Variants in GSAP observed in about 807,000 individuals in gnomAD.
The protein encoded by GSAP is gamma-secretase-activating protein.
In GSAP, 118 loss-of-function variants were observed where a neutral mutation model predicts 131.7. That is an observed-to-expected ratio of 0.90 (90% confidence interval 0.77 to 1.04). The LOEUF is 1.04. GSAP is among the 50% of genes least tolerant of loss of function. The pLI, the probability that GSAP is intolerant of heterozygous loss-of-function variation, is 0.00. For synonymous variants in GSAP, 381 were observed against 363.4 expected, an observed-to-expected ratio of 1.05 and a Z score of -0.55; for missense variants, 1,019 against 1,013.2, an observed-to-expected ratio of 1.01 and a Z score of -0.08.
chr7:77,376,582 T>C (rs1370465057), intron 10 of GSAP, among the ~76,000 whole-genome samples: 1 of 152,092 alleles, frequency 6.6e-6, no homozygotes, highest in African/African-American at 2.4e-5. Context: ...AAGACCATCC[T>C]GGCTAATACA....
chr7:77,312,962 T>C (rs1319662661), intron 28 of GSAP, among the ~76,000 whole-genome samples: 1 of 152,188 alleles, frequency 6.6e-6, no homozygotes, highest in African/African-American at 2.4e-5. Flanking sequence ...CTCATTCTTC[T>C]TTTGACCTAG....
intron 5 of GSAP, among the ~76,000 whole-genome samples, chr7:77,391,142 A>AAAG (rs1554427185): frequency 4.4e-4 from 62 of 139,494 alleles, no homozygotes; most frequent in Admixed American, 1.6e-3. Context: ...AAAAAAAAAA[A>AAAG]AAAAAGAAAA....
At chr7:77,342,220 T>C (rs1791061313) in intron 19 of GSAP, among the ~76,000 whole-genome samples, 1 of 152,104 alleles carries the variant, frequency 6.6e-6, no homozygotes. Flanking sequence ...ACAGATGCTT[T>C]TGGCAACTCT....
intron 18 of GSAP, among the ~76,000 whole-genome samples, chr7:77,352,111 TAATC>T (rs1479777814): frequency 6.6e-6 from 1 of 152,196 alleles, no homozygotes; most frequent in African/African-American, 2.4e-5. Flanking sequence ...ATTTAGAAAT[TAATC>T]AAACACACTT....
intron 8 of GSAP, 151 bp from the exon 9 acceptor site, chr7:77,377,541 T>A: frequency 1.1e-6 from 1 of 913,884 alleles, no homozygotes; most frequent in Middle Eastern, 3.9e-4. Flanking sequence ...ACCCCTAGTA[T>A]ACACAGTCTT....
chr7:77,333,541 C>T (rs1251013640), intron 19 of GSAP, among the ~76,000 whole-genome samples: 2 of 152,120 alleles, frequency 1.3e-5, no homozygotes, highest in African/African-American at 2.4e-5. Context: ...TAATGTTCAG[C>T]CAGGACTGAC....
At chr7:77,373,343 A>G (rs1320679839) in intron 12 of GSAP, among the ~76,000 whole-genome samples, 1 of 152,226 alleles carries the variant, frequency 6.6e-6, no homozygotes, top group Admixed American at 6.5e-5. Flanking sequence ...TGTTGGCCTA[A>G]TGGGTGAATA....
At chr7:77,325,660 TC>T (rs1562904587) in intron 23 of GSAP, among the ~76,000 whole-genome samples, 1 of 152,214 alleles carries the variant, frequency 6.6e-6, no homozygotes, top group Non-Finnish European at 1.5e-5. Context: ...AACCTCCACT[TC>T]CTGGGTTCAA....
At chr7:77,324,952 A>G (rs1455269957) in intron 23 of GSAP, among the ~76,000 whole-genome samples, 2 of 150,746 alleles carry the variant, frequency 1.3e-5, no homozygotes, top group Non-Finnish European at 2.9e-5. Context: ...AGTAGCCGAG[A>G]TTACAGGCAC....
At chr7:77,318,467 TATGA>T (rs748844107) in intron 26 of GSAP, among the ~76,000 whole-genome samples, 4 of 152,224 alleles carry the variant, frequency 2.6e-5, no homozygotes, top group Non-Finnish European at 4.4e-5. Flanking sequence ...GATGAATATA[TATGA>T]ATGAAGTAAC....
intron 25 of GSAP, 151 bp downstream of exon 25, chr7:77,321,182 A>G: frequency 3.2e-6 from 2 of 629,994 alleles, no homozygotes; most frequent in Non-Finnish European, 5.7e-6. Flanking sequence ...GCAGGGGGGC[A>G]TAACTTTAAA....
chr7:77,329,420 GA>G, intron 20 of GSAP, 29 bp from the exon 21 acceptor site: 1 of 1,332,622 alleles, frequency 7.5e-7, no homozygotes, highest in Non-Finnish European at 1.1e-6. Context: ...CAGAAATGTG[GA>G]AGGTAAAGGT....
At chr7:77,338,152 G>A (rs540624386) in intron 19 of GSAP, among the ~76,000 whole-genome samples, 1 of 152,136 alleles carries the variant, frequency 6.6e-6, no homozygotes, top group East Asian at 1.9e-4. Context: ...GTGACAGAGG[G>A]AGACCCTATC....
Position 77,355,366 on chromosome 7 carries a change from T to C in GSAP, c.1185A>G (p.Val395=). ...AGAGCTTTCCAGAACAACAATCCAA[T>C]ACCAGGGACCCTGACAATGACTGTA... ...CPLQSLSGSL[V]LDCCSGKLYR... The change falls in exon 16 of 31, where the codon GTA becomes GTG. Residue 395 remains valine (V), a synonymous_variant. Transcript: ENST00000257626. The C allele has an allele frequency of 6.2e-7, 1 of 1,610,686 alleles. No individual in the cohort carries two copies. Among genetic ancestry groups the C allele is most frequent in the Non-Finnish European group, 8.5e-7 (1 of 1,179,060 alleles).
chr7:77,335,099 A>G (rs925584652), intron 19 of GSAP, among the ~76,000 whole-genome samples: 12 of 148,884 alleles, frequency 8.1e-5, no homozygotes, highest in African/African-American at 3.0e-4. Flanking sequence ...AAAAAAAAAG[A>G]AAAAAAGAAA....
intron 3 of GSAP, among the ~76,000 whole-genome samples, chr7:77,402,616 AG>A (rs1452928154): frequency 7.3e-4 from 59 of 80,336 alleles, no homozygotes; most frequent in Non-Finnish European, 1.0e-3. Context: ...AAAAAAAAAA[AG>A]AATTTTAAAG....
At chr7:77,368,819 A>G (rs937049517) in intron 12 of GSAP, among the ~76,000 whole-genome samples, 11 of 152,236 alleles carry the variant, frequency 7.2e-5, no homozygotes, top group African/African-American at 1.4e-4. Context: ...TTAGATTGTT[A>G]GTTGCAAAGA....
At chr7:77,314,322 TG>T in intron 27 of GSAP, 47 bp downstream of exon 27, 1 of 1,606,690 alleles carries the variant, frequency 6.2e-7, no homozygotes, top group East Asian at 2.2e-5. Context: ...CTAGCCTTGG[TG>T]GTGCTCAGGC....
intron 5 of GSAP, among the ~76,000 whole-genome samples, chr7:77,391,105 C>G (rs1258287479): frequency 9.6e-6 from 1 of 104,696 alleles, no homozygotes; most frequent in Non-Finnish European, 1.8e-5. Flanking sequence ...CCAGCGTGGG[C>G]AACAGATGAG....
Sources: allele counts gnomAD v4.1 joint callset (sites outside exome capture counted in the v4.1 genomes callset), GRCh38; gene constraint gnomAD v4.1.1; transcripts MANE v1.5; gene names NCBI Gene and HGNC (gene_info 2026-07-23, HGNC 2026-07-21).